Variants in URB1 observed in about 807,000 individuals in gnomAD.
URB1 encodes nucleolar pre-ribosomal-associated protein 1.
A neutral mutation model predicts 242.3 loss-of-function variants in URB1; 197 were observed. That is an observed-to-expected ratio of 0.81 (90% confidence interval 0.72 to 0.91). The LOEUF (loss-of-function observed/expected upper bound fraction) is 0.91. Among genes scored for constraint, URB1 ranks in the 40% least tolerant of loss-of-function variants. The pLI is 0.00. For missense variants in URB1, 2,721 were observed against 2,860.5 expected (o/e 0.95, Z 1.11); for synonymous variants, 1,153 against 1,201.8 (o/e 0.96, Z 0.84).
At position 32,319,426 on chromosome 21, in the gene URB1, C is replaced by T. The variant is rs1330149821; in HGVS notation, c.5595-12G>A. On this transcript the variant is annotated splice_polypyrimidine_tract_variant and intron_variant, in intron 35 of 38. Transcript: ENST00000382751. ...GAGTCTCCAGAAACCTAAAACCAAG[C>T]ACAACAGCCTTCAATCCGCCACATC... 2 of 1,503,090 alleles carry T rather than the reference C, an allele frequency of 1.3e-6. No homozygotes were observed. Among genetic ancestry groups the T allele is most frequent in the Admixed American group, 4.8e-5 (2 of 41,738 alleles). The allele number at this position is 1,503,090 out of a possible 1,614,324, so 93.1% of individuals were successfully genotyped here.
chr21:32,330,553 A>G lies in URB1; in HGVS notation c.4960+2764T>C, dbSNP rs112303149. Among the ~76,000 whole-genome samples, 235 of 151,960 alleles carry G rather than the reference A, an allele frequency of 1.5e-3. 2 individuals carry two copies. The highest frequency in any genetic ancestry group is 6.9e-3 in the Middle Eastern group (2 of 290). ...AAATTAACATCCTGATTTTGCTATT[A>G]AACTTTTTCCAAGCCTTTTTCTCCT... is the stretch of plus-strand genomic sequence containing the variant. On this transcript the variant is annotated intron_variant, in intron 30 of 38. Transcript: ENST00000382751.
chr21:32,369,305 G>A (rs555293851), intron 8 of URB1, among the ~76,000 whole-genome samples: 4 of 152,326 alleles, frequency 2.6e-5, no homozygotes, highest in South Asian at 4.1e-4. Flanking sequence ...GGAGGTTGCA[G>A]TGAGCTGAGA....
intron 4 of URB1, among the ~76,000 whole-genome samples, chr21:32,382,603 A>G (rs1187148166): frequency 6.6e-6 from 1 of 152,184 alleles, no homozygotes; most frequent in Non-Finnish European, 1.5e-5. Flanking sequence ...TCTCCACCGC[A>G]GCAGATGGGA....
chr21:32,350,933 C>G lies in URB1; in HGVS notation c.2614-11G>C. On this transcript the variant is annotated splice_polypyrimidine_tract_variant and intron_variant, in intron 19 of 38. Coordinates refer to ENST00000382751, the MANE Select transcript of URB1 (RefSeq NM_014825.3). ...CTGTGCCTGCAGCAGCTGAGGGAGACAGCAAAAGGCCGGGGAAGAGAAAGA... is the reference window on the plus strand; with the variant it reads ...CTGTGCCTGCAGCAGCTGAGGGAGAGAGCAAAAGGCCGGGGAAGAGAAAGA... The G allele has an allele frequency of 1.3e-6, 2 of 1,539,930 alleles. No individual in the cohort carries two copies. Among genetic ancestry groups the G allele is most frequent in the Non-Finnish European group, 1.7e-6 (2 of 1,144,170 alleles).
Position 32,317,840 on chromosome 21 carries a change from A to T in URB1, c.5870T>A (p.Ile1957Lys). The change falls in exon 37 of 39, where the codon ATA becomes AAA. Residue 1957 changes from isoleucine to lysine, a missense_variant. Ile to Lys is a moderately radical substitution (Grantham distance 102). Transcript: ENST00000382751. ...TCTGTTCATGTCCCTAAAGGCCTGT[A>T]TGACAGTGGCCCGGTACCTCAGCAC... ...DSVLRYRATV[I>K]QAFRDMNRFT... The T allele has an allele frequency of 6.4e-7, 1 of 1,551,928 alleles. No individual in the cohort carries two copies. The highest frequency in any genetic ancestry group is 1.2e-5 in the South Asian group (1 of 84,066).
At chr21:32,360,951 G>T in intron 13 of URB1, 56 bp downstream of exon 13, 2 of 1,312,914 alleles carry the variant, frequency 1.5e-6, no homozygotes, top group Non-Finnish European at 2.1e-6. Context: ...GCAGGGCTCT[G>T]CTCTGGTTTA....
intron 10 of URB1, among the ~76,000 whole-genome samples, chr21:32,364,814 C>T (rs1046683812): frequency 3.3e-5 from 5 of 152,126 alleles, no homozygotes; most frequent in African/African-American, 1.2e-4. Context: ...CAAACATCAT[C>T]CAACTCCAGT....
rs1034266567 is a variant in URB1, at chr21:32,324,490, C to T, written c.5233+1G>A. 6.4e-6 allele frequency: 10 copies of T among 1,550,816 alleles called. No individual in the cohort carries two copies. Among genetic ancestry groups the T allele is most frequent in the Non-Finnish European group, 8.7e-6 (10 of 1,146,042 alleles). ...CCTCAACCTAATTATGTCAGTGGTA[C>T]CTGGTTTCAAAATCTGCAGGGCTGC... On this transcript the variant is annotated splice_donor_variant, in intron 32 of 38. Transcript: ENST00000382751. LOFTEE classifies it high-confidence loss of function.
At chr21:32,316,091 A>C (rs1023475533) in intron 38 of URB1, among the ~76,000 whole-genome samples, 1 of 152,256 alleles carries the variant, frequency 6.6e-6, no homozygotes, top group South Asian at 2.1e-4. Context: ...GCACACATGC[A>C]AGCATACGCA....
In URB1 at chr21:32,354,875, G is replaced by A. The variant is rs1355762982; in HGVS notation, c.2229C>T (p.Pro743=). The A allele has an allele frequency of 1.3e-5, 20 of 1,552,226 alleles. No homozygotes were observed. The highest frequency in any genetic ancestry group is 4.1e-5 in the African/African-American group (3 of 73,044). Residue 743 remains proline (P), a synonymous_variant, in exon 17 of 39, where the codon CCC becomes CCT. Transcript: ENST00000382751. The part of the protein sequence containing the change: ...TKQEADDMSI[P]ISHIDDVLDM... The stretch of plus-strand genomic sequence containing the variant: ...GGAACATACCGTCAATGTGGGAGAT[G>A]GGAATGCTCATGTCATCGGCTTCTT...
rs75541911 is a variant in URB1, at chr21:32,388,656, C to T, written c.143-2972G>A. ...ACAGGAGCTCAGTCGGCACAGGCAC[C>T]CTGGAGTTATGCATACCTACTCTGT... On this transcript the variant is annotated intron_variant, in intron 1 of 38. Coordinates refer to ENST00000382751, the MANE Select transcript of URB1 (RefSeq NM_014825.3). Among the ~76,000 whole-genome samples the T allele has an allele frequency of 7.2e-3, 1,097 of 152,280 alleles. 10 individuals carry two copies. The highest frequency in any genetic ancestry group is 0.025 in the African/African-American group (1,057 of 41,544).
In URB1 at chr21:32,315,038, C is replaced by T. The variant is rs910397166; in HGVS notation, c.6696G>A (p.Pro2232=). ...IKDIWLGAQR[P]DTLLTHVRMV... Reference sequence around the variant, plus strand: ...TCCGGACGTGGGTTAAGAGGGTGTCCGGCCGCTGAGCCCCCAGCCAGATGT... The same window carrying T: ...TCCGGACGTGGGTTAAGAGGGTGTCTGGCCGCTGAGCCCCCAGCCAGATGT... The change falls in exon 39 of 39, where the codon CCG becomes CCA. Residue 2232 remains proline, a synonymous_variant. Transcript: ENST00000382751. The T allele has an allele frequency of 1.5e-5, 24 of 1,550,556 alleles. No homozygotes were observed. The highest frequency in any genetic ancestry group is 4.9e-5 in the East Asian group (2 of 40,904).
At chr21:32,387,983 G>A (rs2033601013) in intron 1 of URB1, among the ~76,000 whole-genome samples, 1 of 152,232 alleles carries the variant, frequency 6.6e-6, no homozygotes, top group Non-Finnish European at 1.5e-5. Flanking sequence ...GCTTGGTACT[G>A]CAGGTGAGCT....
In URB1 at chr21:32,320,614, A is replaced by T. The variant is rs1231853397; in HGVS notation, c.5511T>A (p.Asn1837Lys). The T allele has an allele frequency of 3.9e-6, 6 of 1,551,664 alleles. No homozygotes were observed. The highest frequency in any genetic ancestry group is 5.2e-6 in the Non-Finnish European group (6 of 1,146,984). Residue 1837 changes from asparagine to lysine, a missense_variant, in exon 35 of 39, where the codon AAT (asparagine) becomes AAA (lysine). Coordinates refer to ENST00000382751, the MANE Select transcript of URB1 (RefSeq NM_014825.3). ...AQNWILEILQ[N>K]AAQVARSAYE... ...ACGCAGATCTGGCAACCTGGGCAGC[A>T]TTCTGTAGAATTTCCAGAATCCAAT...
Position 32,325,367 on chromosome 21 carries a change from TTTTC to T in URB1, c.4979_4982del (p.Arg1660HisfsTer10), listed in dbSNP as rs1447042333. 6.4e-7 allele frequency: 1 copy of T among 1,550,540 alleles called. No homozygotes were observed. Among genetic ancestry groups the T allele is most frequent in the Non-Finnish European group, 8.7e-7 (1 of 1,146,184 alleles). ...GGCCCAGAGCATTTGAATCCAAAAA[TTTTC>T]GACAATCCACCACAAACTCTGCAGG... On this transcript the variant is annotated frameshift_variant, in exon 31 of 39. Coordinates refer to ENST00000382751, the MANE Select transcript of URB1 (RefSeq NM_014825.3). LOFTEE classifies it high-confidence loss of function.
intron 24 of URB1, among the ~76,000 whole-genome samples, chr21:32,342,549 G>A (rs2033041867): frequency 1.3e-5 from 2 of 151,998 alleles, no homozygotes; most frequent in Non-Finnish European, 1.5e-5. Context: ...ATTCATAGGC[G>A]CAATCCCACT....
At chr21:32,354,129 C>T in intron 17 of URB1, 26 bp from the exon 18 acceptor site, 1 of 1,550,866 alleles carries the variant, frequency 6.4e-7, no homozygotes, top group Non-Finnish European at 8.7e-7. Flanking sequence ...GAGAATCCAG[C>T]TGATGTGAGA....
chr21:32,378,081 C>T (rs1008313084), intron 5 of URB1, among the ~76,000 whole-genome samples: 6 of 152,162 alleles, frequency 3.9e-5, no homozygotes, highest in Non-Finnish European at 4.4e-5. Flanking sequence ...TTTTTTAAAA[C>T]GACATCTCCC....
rs2033390945 is a variant in URB1 at position 32,370,084 on chromosome 21, A to G, written c.1002-1486T>C. Among the ~76,000 whole-genome samples the G allele has an allele frequency of 2.6e-5, 4 of 152,184 alleles. No homozygotes were observed. The South Asian group carries it at 8.3e-4, about 32-fold the overall frequency. On this transcript the variant is annotated intron_variant, in intron 8 of 38. Coordinates refer to ENST00000382751, the MANE Select transcript of URB1 (RefSeq NM_014825.3). ...CACACAGCCAAAGCCCCAGGACACT[A>G]GGCTTCATCTGCTTCAAAGTCTTTT...
Sources: allele counts gnomAD v4.1 joint callset (sites outside exome capture counted in the v4.1 genomes callset), GRCh38; gene constraint gnomAD v4.1.1; transcripts MANE v1.5; gene names NCBI Gene and HGNC (gene_info 2026-07-23, HGNC 2026-07-21).